The following MARCHF3 variants were observed in gnomAD, a reference collection of about 807,000 sequenced individuals.
The protein encoded by MARCHF3 is E3 ubiquitin-protein ligase MARCHF3.
In MARCHF3, 13 loss-of-function variants were observed where a neutral mutation model predicts 24.2. That is an observed-to-expected ratio of 0.54 (90% CI 0.35 to 0.85). The LOEUF (loss-of-function observed/expected upper bound fraction) is 0.85. Among genes scored for constraint, MARCHF3 ranks in the 40% least tolerant of loss-of-function variants. MARCHF3 has a pLI of 0.01. For missense variants in MARCHF3, 276 were observed against 325.0 expected (o/e 0.85, Z 1.16); for synonymous variants, 144 against 137.3 (o/e 1.05, Z -0.34).
At chr5:126,906,262 T>C (rs1228280090) in intron 3 of MARCHF3, among the ~76,000 whole-genome samples, 1 of 152,024 alleles carries the variant, frequency 6.6e-6, no homozygotes, top group African/African-American at 2.4e-5. Context: ...ATCAAGGATA[T>C]TGGTCTAAAA....
intron 1 of MARCHF3, among the ~76,000 whole-genome samples, chr5:126,970,326 G>A (rs184113524): frequency 6.6e-6 from 1 of 152,210 alleles, no homozygotes; most frequent in Non-Finnish European, 1.5e-5. Context: ...GACCTCAGAT[G>A]ATACACCCAC....
At chr5:126,889,957 T>C (rs1423379848) in intron 3 of MARCHF3, among the ~76,000 whole-genome samples, 2 of 152,242 alleles carry the variant, frequency 1.3e-5, no homozygotes, top group Non-Finnish European at 1.5e-5. Context: ...ATTTCAGACA[T>C]GTCCCTCAGT....
intron 1 of MARCHF3, among the ~76,000 whole-genome samples, chr5:126,951,176 T>C (rs1208572933): frequency 6.6e-6 from 1 of 152,204 alleles, no homozygotes; most frequent in Non-Finnish European, 1.5e-5. Flanking sequence ...TCTATTGCGA[T>C]ACACTTTCTT....
At chr5:126,931,136 A>C (rs1219467686) in intron 1 of MARCHF3, among the ~76,000 whole-genome samples, 4 of 152,238 alleles carry the variant, frequency 2.6e-5, no homozygotes, top group Non-Finnish European at 4.4e-5. Flanking sequence ...ATGGTTCTGC[A>C]GACACCAGTG....
intron 1 of MARCHF3, among the ~76,000 whole-genome samples, chr5:126,975,495 T>C (rs1327531701): frequency 6.6e-6 from 1 of 152,202 alleles, no homozygotes; most frequent in Non-Finnish European, 1.5e-5. Context: ...ACATTCAAAA[T>C]CCTCTCTTCT....
At chr5:127,030,231 TCCC>T (rs1753137451) in intron 1 of MARCHF3, 116 bp downstream of exon 1, 1 of 151,914 alleles carries the variant, frequency 6.6e-6, no homozygotes, top group Admixed American at 6.5e-5. Context: ...AGCCCTGACC[TCCC>T]CACAGCGGTC....
chr5:126,890,837 G>C (rs1391989529), intron 3 of MARCHF3, among the ~76,000 whole-genome samples: 1 of 147,734 alleles, frequency 6.8e-6, no homozygotes, highest in Non-Finnish European at 1.5e-5. Flanking sequence ...GGTATTTCTA[G>C]TTCTAGATCT....
intron 1 of MARCHF3, among the ~76,000 whole-genome samples, chr5:126,942,073 T>G (rs1252863106): frequency 6.6e-6 from 1 of 152,224 alleles, no homozygotes; most frequent in East Asian, 1.9e-4. Context: ...TTGAGCACTT[T>G]GAGCTATTTA....
chr5:126,912,616 T>C (rs1237440941), intron 3 of MARCHF3, among the ~76,000 whole-genome samples: 10 of 152,220 alleles, frequency 6.6e-5, no homozygotes, highest in Non-Finnish European at 1.0e-4. Context: ...GGTGAAAGTA[T>C]TGAGAAGAGA....
At position 126,870,724 on chromosome 5, in the gene MARCHF3, A is replaced by C; in HGVS notation, c.671T>G (p.Leu224Arg). 6.2e-7 allele frequency: 1 copy of C among 1,614,220 alleles called. No individual in the cohort carries two copies. The highest frequency in any genetic ancestry group is 2.2e-5 in the East Asian group (1 of 44,888). The change falls in exon 5 of 5, where the codon CTC becomes CGC. Residue 224 changes from leucine (L) to arginine (R), a missense_variant. Coordinates refer to ENST00000308660, the MANE Select transcript of MARCHF3 (RefSeq NM_178450.5). ...WRRTNQRVIL[L>R]IPKSVNVPSN... ...AGGTACATTGACAGACTTTGGAATG[A>C]GGAGAATCACCCTCTGATTGGTCCG...
At chr5:126,928,047 C>T (rs1749353484) in intron 1 of MARCHF3, among the ~76,000 whole-genome samples, 1 of 152,134 alleles carries the variant, frequency 6.6e-6, no homozygotes, top group African/African-American at 2.4e-5. Context: ...TTTCTATTTT[C>T]ATAGCACTAT....
chr5:127,001,160 C>A (rs994851566), intron 1 of MARCHF3, among the ~76,000 whole-genome samples: 1 of 151,854 alleles, frequency 6.6e-6, no homozygotes, highest in African/African-American at 2.4e-5. Context: ...ATTGCTTGAA[C>A]CTGGGAGATG....
chr5:126,881,337 C>A (rs182279496), intron 3 of MARCHF3, among the ~76,000 whole-genome samples: 1 of 152,052 alleles, frequency 6.6e-6, no homozygotes, highest in African/African-American at 2.4e-5. Flanking sequence ...ATTATACAAA[C>A]GCAGGTTTGT....
intron 3 of MARCHF3, 141 bp downstream of exon 3, chr5:126,914,767 AACACACACACACACACACACAC>A (rs58386463): frequency 1.7e-5 from 8 of 484,318 alleles, no homozygotes; most frequent in African/African-American, 9.2e-5. Flanking sequence ...CTCTTTCTCA[AACACACACACACACACACACAC>A]ACACACACAC....
intron 3 of MARCHF3, among the ~76,000 whole-genome samples, chr5:126,913,844 A>G (rs1754620107): frequency 6.6e-6 from 1 of 152,128 alleles, no homozygotes; most frequent in African/African-American, 2.4e-5. Flanking sequence ...TTTTCATTCC[A>G]GGGCTTCACT....
chr5:126,979,997 T>C (rs1025154262), intron 1 of MARCHF3, among the ~76,000 whole-genome samples: 1 of 148,236 alleles, frequency 6.7e-6, no homozygotes, highest in Non-Finnish European at 1.5e-5. Flanking sequence ...TCCTGTATAC[T>C]AATTGAGCCT....
Position 126,897,045 on chromosome 5 carries a change from A to ATTTTTTTTTTTT in MARCHF3, c.393+17884_393+17885insAAAAAAAAAAAA, listed in dbSNP as rs759577287. On this transcript the variant is annotated intron_variant, in intron 3 of 4. Transcript: ENST00000308660. ...CAATCCAACTTTCTGAAGTTTGAGA[A>ATTTTTTTTTTTT]TTTTTTTTTTTGAGATGGAGTTTCA... 8.6e-5 allele frequency among the ~76,000 whole-genome samples: 10 copies of ATTTTTTTTTTTT among 116,440 alleles called. 1 individual carries two copies. Among genetic ancestry groups the ATTTTTTTTTTTT allele is most frequent in the African/African-American group, 3.2e-4 (9 of 27,798 alleles). The allele number at this position is 116,440 out of a possible 152,430, so 76.4% of individuals were successfully genotyped here. A position where few individuals can be genotyped will look rare whatever the true frequency, so the allele number is the denominator to read the frequency against.
chr5:126,873,218 GTTAT>G (rs1753032719), intron 4 of MARCHF3, among the ~76,000 whole-genome samples: 2 of 152,152 alleles, frequency 1.3e-5, no homozygotes, highest in African/African-American at 2.4e-5. Context: ...ACTTGGGGAG[GTTAT>G]TTGCTGTCAA....
At chr5:126,876,430 T>C (rs769719441) in intron 4 of MARCHF3, among the ~76,000 whole-genome samples, 1 of 152,194 alleles carries the variant, frequency 6.6e-6, no homozygotes, top group African/African-American at 2.4e-5. Flanking sequence ...CCAGGGGAAT[T>C]TGGCAGGATG....
Sources: gnomAD v4.1 joint callset for allele counts (sites outside exome capture counted in the v4.1 genomes callset) on GRCh38, gnomAD v4.1.1 for gene constraint, MANE v1.5 for transcripts, NCBI Gene and HGNC (gene_info 2026-07-23, HGNC 2026-07-21) for gene names.